Variants in DGKI observed in about 807,000 individuals in gnomAD.
DGKI encodes the protein diacylglycerol kinase iota, also known as DAG kinase iota.
Under a neutral mutation model 147.5 loss-of-function variants are expected in DGKI, and 55 were observed. The observed-to-expected ratio is 0.37, with a 90% CI of 0.30 to 0.47. The LOEUF (loss-of-function observed/expected upper bound fraction) is 0.47. DGKI is among the 20% of genes least tolerant of loss of function. DGKI has a pLI of 1.00. For synonymous variants in DGKI, 469 were observed against 477.1 expected (o/e 0.98, Z 0.22); for missense variants, 1,007 against 1,323.8 (o/e 0.76, Z 3.71).
At chr7:137,401,987 C>T (rs1052525545) in intron 30 of DGKI, among the ~76,000 whole-genome samples, 7 of 152,200 alleles carry the variant, frequency 4.6e-5, no homozygotes, top group African/African-American at 1.7e-4. Flanking sequence ...ATATGGAGGA[C>T]ACAGACCATC....
chr7:137,789,596 T>C (rs756946423), intron 1 of DGKI, among the ~76,000 whole-genome samples: 2 of 152,080 alleles, frequency 1.3e-5, no homozygotes, highest in East Asian at 3.9e-4. Flanking sequence ...TTCTACAAAG[T>C]GTATTTTTAA....
intron 3 of DGKI, among the ~76,000 whole-genome samples, chr7:137,662,872 C>A (rs1822494915): frequency 6.6e-6 from 1 of 152,278 alleles, no homozygotes; most frequent in African/African-American, 2.4e-5. Context: ...AACCAACACC[C>A]TTGATAAGGG....
At chr7:137,646,815 T>C (rs762030126) in intron 5 of DGKI, among the ~76,000 whole-genome samples, 41 of 151,934 alleles carry the variant, frequency 2.7e-4, no homozygotes, top group Non-Finnish European at 5.1e-4. Context: ...AATAGATCAG[T>C]GTAGAGGGAA....
intron 20 of DGKI, among the ~76,000 whole-genome samples, chr7:137,546,769 C>G (rs1002378523): frequency 6.6e-6 from 1 of 152,224 alleles, no homozygotes; most frequent in Non-Finnish European, 1.5e-5. Context: ...CTACATTAGA[C>G]CTAGTTCCAC....
chr7:137,507,122 G>A (rs527894585), intron 21 of DGKI, among the ~76,000 whole-genome samples: 37 of 152,256 alleles, frequency 2.4e-4, no homozygotes, highest in African/African-American at 8.4e-4. Context: ...GGGGAGCAAC[G>A]AATGGGCATA....
At chr7:137,842,342 A>G (rs936175500) in intron 1 of DGKI, among the ~76,000 whole-genome samples, 2 of 152,196 alleles carry the variant, frequency 1.3e-5, no homozygotes, top group Non-Finnish European at 2.9e-5. Context: ...AAAAAACTAC[A>G]TTCTAATCAT....
At chr7:137,753,663 A>G (rs1795586571) in intron 1 of DGKI, among the ~76,000 whole-genome samples, 1 of 152,166 alleles carries the variant, frequency 6.6e-6, no homozygotes, top group Non-Finnish European at 1.5e-5. Context: ...TTTGACCATA[A>G]TTCAATCTTT....
intron 1 of DGKI, among the ~76,000 whole-genome samples, chr7:137,720,995 A>C (rs1794540222): frequency 6.6e-6 from 1 of 152,212 alleles, no homozygotes; most frequent in South Asian, 2.1e-4. Flanking sequence ...GTATGAATAG[A>C]CTTACATAAA....
At chr7:137,554,403 C>T (rs1182529116) in intron 19 of DGKI, among the ~76,000 whole-genome samples, 4 of 152,102 alleles carry the variant, frequency 2.6e-5, no homozygotes, top group Non-Finnish European at 5.9e-5. Flanking sequence ...TCGTGACAGT[C>T]GCTGTCTATT....
intron 8 of DGKI, among the ~76,000 whole-genome samples, chr7:137,612,819 C>T (rs188243720): frequency 1.4e-4 from 22 of 152,212 alleles, no homozygotes; most frequent in East Asian, 3.9e-4. Flanking sequence ...TAAAAGCATT[C>T]GCTTTGCAAG....
At chr7:137,527,182 G>A (rs1007239416) in intron 20 of DGKI, among the ~76,000 whole-genome samples, 4 of 142,846 alleles carry the variant, frequency 2.8e-5, no homozygotes, top group African/African-American at 8.3e-5. Context: ...AGCACTAAAT[G>A]AGACATATAT....
chr7:137,478,493 C>T (rs1422724667), intron 23 of DGKI, among the ~76,000 whole-genome samples: 1 of 152,130 alleles, frequency 6.6e-6, no homozygotes, highest in African/African-American at 2.4e-5. Flanking sequence ...ACAGGTATTA[C>T]TGAATTTTCT....
chr7:137,652,555 C>T (rs1822066086), intron 5 of DGKI, among the ~76,000 whole-genome samples: 1 of 152,178 alleles, frequency 6.6e-6, no homozygotes, highest in African/African-American at 2.4e-5. Context: ...CCCACACTGT[C>T]TGCACTCTGG....
intron 30 of DGKI, among the ~76,000 whole-genome samples, chr7:137,404,191 T>C (rs1361527897): frequency 2.6e-5 from 4 of 152,200 alleles, no homozygotes; most frequent in African/African-American, 9.6e-5. Flanking sequence ...TTTGCTATGA[T>C]AGTTTTCAAT....
intron 1 of DGKI, among the ~76,000 whole-genome samples, chr7:137,716,659 C>T (rs1477971318): frequency 6.6e-6 from 1 of 152,206 alleles, no homozygotes; most frequent in African/African-American, 2.4e-5. Flanking sequence ...AACATGTCAT[C>T]ACTGACCAAG....
At chr7:137,787,094 GCAAATGCAACTAAAA>G (rs1332379695) in intron 1 of DGKI, among the ~76,000 whole-genome samples, 1 of 152,058 alleles carries the variant, frequency 6.6e-6, no homozygotes, top group African/African-American at 2.4e-5. Context: ...GAACCCAAAA[GCAAATGCAACTAAAA>G]CAAAGATAAA....
At chr7:137,425,835 G>C (rs975731327) in intron 28 of DGKI, among the ~76,000 whole-genome samples, 4 of 152,074 alleles carry the variant, frequency 2.6e-5, no homozygotes, top group African/African-American at 9.7e-5. Flanking sequence ...GAAGCGAGAA[G>C]GGAAGTTTAG....
At chr7:137,598,476 T>G (rs1055085368) in intron 11 of DGKI, among the ~76,000 whole-genome samples, 1 of 152,196 alleles carries the variant, frequency 6.6e-6, no homozygotes, top group Non-Finnish European at 1.5e-5. Flanking sequence ...TTCTCTCAGC[T>G]CAGTTACACA....
chr7:137,617,975 G>A (rs767912310), intron 8 of DGKI, among the ~76,000 whole-genome samples: 4 of 149,190 alleles, frequency 2.7e-5, no homozygotes, highest in Non-Finnish European at 6.0e-5. Flanking sequence ...TAACAAAAAG[G>A]GTTTCTTAAG....
Sources: allele counts gnomAD v4.1 joint callset (sites outside exome capture counted in the v4.1 genomes callset), GRCh38; gene constraint gnomAD v4.1.1; transcripts MANE v1.5; gene names NCBI Gene and HGNC (gene_info 2026-07-23, HGNC 2026-07-21).